Variants in FAM124A observed in about 807,000 individuals in gnomAD.
The protein encoded by FAM124A is protein FAM124A.
In FAM124A, 23 loss-of-function variants were observed where a neutral mutation model predicts 24.5. The observed-to-expected ratio is 0.94, with a 90% CI of 0.68 to 1.33. The LOEUF (loss-of-function observed/expected upper bound fraction) is 1.33. Among genes scored for constraint, FAM124A ranks in the 40% most tolerant of loss-of-function variants. FAM124A has a pLI of 0.00. For missense variants in FAM124A, 623 were observed against 722.8 expected (o/e 0.86, Z 1.58); for synonymous variants, 287 against 314.7 (o/e 0.91, Z 0.93).
rs778171971 is a variant in FAM124A at position 51,251,659 on chromosome 13, C to A, written c.292C>A (p.Gln98Lys). The A allele has an allele frequency of 4.4e-6, 7 of 1,583,732 alleles. 1 individual carries two copies. In the South Asian group the frequency reaches 8.0e-5, roughly 18 times the overall value. Residue 98 changes from glutamine (Q) to lysine (K), a missense_variant, in exon 3 of 4, where the codon CAG becomes AAG. Physicochemically the swap from Gln to Lys is moderately conservative, Grantham distance 53. Coordinates refer to ENST00000322475, the MANE Select transcript of FAM124A (RefSeq NM_001242312.2). The surrounding 1 kb of genome is among the most constrained non-coding windows in gnomAD (Gnocchi z 5.3). Reference protein sequence around the residue: ...RRRRKPPKGAQPALAVVLFLQ... With the variant: ...RRRRKPPKGAKPALAVVLFLQ... ...GCGGCGGAAGCCCCCCAAGGGCGCT[C>A]AGCCAGCGCTGGCTGTGGTGCTGTT...
intron 3 of FAM124A, among the ~76,000 whole-genome samples, chr13:51,254,997 C>G (rs138238734): frequency 4.3e-4 from 66 of 152,144 alleles, no homozygotes; most frequent in African/African-American, 1.5e-3. Flanking sequence ...CTTCCTCCCC[C>G]GCCCTGGGAC....
intron 3 of FAM124A, among the ~76,000 whole-genome samples, chr13:51,274,648 G>C (rs1461746915): frequency 6.6e-6 from 1 of 151,808 alleles, no homozygotes; most frequent in Admixed American, 6.6e-5. Flanking sequence ...ATGATATATA[G>C]GCATATATCA....
At chr13:51,244,007 G>A (rs1954530163) in intron 2 of FAM124A, among the ~76,000 whole-genome samples, 1 of 152,194 alleles carries the variant, frequency 6.6e-6, no homozygotes, top group Non-Finnish European at 1.5e-5. Flanking sequence ...CTTTAGAAAT[G>A]CAAATAAGTG....
In FAM124A at chr13:51,281,371, C is replaced by G; in HGVS notation, c.*115C>G. ...CTTCATGATCCATTTCCCAGGAGCC[C>G]GTAGCACATTTGCCTACCACCCACT... On this transcript the variant is annotated 3_prime_UTR_variant, in exon 4 of 4. Transcript: ENST00000322475. The G allele has an allele frequency of 9.1e-7, 1 of 1,101,520 alleles. No homozygotes were observed. The highest frequency in any genetic ancestry group is 1.9e-5 in the South Asian group (1 of 53,668). 68.2% of individuals were successfully genotyped at this position (1,101,520 alleles called of 1,614,324 possible).
At chr13:51,274,263 C>G (rs1954865352) in intron 3 of FAM124A, among the ~76,000 whole-genome samples, 1 of 152,266 alleles carries the variant, frequency 6.6e-6, no homozygotes, top group Middle Eastern at 3.4e-3. Flanking sequence ...GGTTGACTAT[C>G]CCTTCTCTGA....
intron 2 of FAM124A, among the ~76,000 whole-genome samples, chr13:51,232,548 A>T (rs1954389110): frequency 6.6e-6 from 1 of 152,230 alleles, no homozygotes. Context: ...GTCAAATTAT[A>T]TTTCATTATT....
chr13:51,238,287 C>T (rs1181400249), intron 2 of FAM124A, among the ~76,000 whole-genome samples: 2 of 149,934 alleles, frequency 1.3e-5, no homozygotes, highest in Non-Finnish European at 2.9e-5. Context: ...ATCAGCATCA[C>T]CAGGAGCTTG....
At chr13:51,245,200 G>A (rs1954544016) in intron 2 of FAM124A, 1 of 446,356 alleles carries the variant, frequency 2.2e-6, no homozygotes, top group Non-Finnish European at 4.0e-6. Flanking sequence ...AAGATTGGTC[G>A]GACCAGGTGT....
intron 3 of FAM124A, among the ~76,000 whole-genome samples, chr13:51,263,193 G>A (rs1387029769): frequency 6.6e-6 from 1 of 152,072 alleles, no homozygotes. Flanking sequence ...CAGGGGCTCC[G>A]TCCATCTGCT....
chr13:51,262,485 T>A (rs1954746663), intron 3 of FAM124A, among the ~76,000 whole-genome samples: 1 of 152,198 alleles, frequency 6.6e-6, no homozygotes, highest in Non-Finnish European at 1.5e-5. Flanking sequence ...ACATGTCAGT[T>A]TTTTTTCTTT....
At chr13:51,241,258 G>T (rs890312375) in intron 2 of FAM124A, among the ~76,000 whole-genome samples, 2 of 152,234 alleles carry the variant, frequency 1.3e-5, no homozygotes, top group Non-Finnish European at 2.9e-5. Flanking sequence ...AGAAAACTGT[G>T]GGAAAGGGAA....
At chr13:51,275,477 A>G (rs1954878108) in intron 3 of FAM124A, among the ~76,000 whole-genome samples, 1 of 152,228 alleles carries the variant, frequency 6.6e-6, no homozygotes, top group Non-Finnish European at 1.5e-5. Context: ...AAAAGATACC[A>G]ATAAGAGAAC....
chr13:51,225,996 T>C (rs1210558752), intron 1 of FAM124A, among the ~76,000 whole-genome samples: 24 of 131,282 alleles, frequency 1.8e-4, no homozygotes, highest in Non-Finnish European at 3.0e-4. Context: ...TTTTTTTTTT[T>C]TTTTTTTTTT....
chr13:51,251,860 G>C lies in FAM124A; in HGVS notation c.493G>C (p.Val165Leu). ...GACGCCGCTTTGGGCCATCCGGCCC[G>C]TGCACTACGGCAAGGAAATCGTGCG... Reference protein sequence around the residue: ...PGTPLWAIRPVHYGKEIVRFT... With the variant: ...PGTPLWAIRPLHYGKEIVRFT... Residue 165 changes from valine (V) to leucine (L), a missense_variant, in exon 3 of 4, where the codon GTG becomes CTG. Coordinates refer to ENST00000322475, the MANE Select transcript of FAM124A (RefSeq NM_001242312.2). This position sits in a 1 kb window ranked among gnomAD's most constrained non-coding sequence, Gnocchi z 5.3. The C allele has an allele frequency of 6.2e-7, 1 of 1,613,230 alleles. No individual in the cohort carries two copies. Among genetic ancestry groups the C allele is most frequent in the Non-Finnish European group, 8.5e-7 (1 of 1,179,720 alleles).
intron 1 of FAM124A, among the ~76,000 whole-genome samples, chr13:51,228,326 G>A (rs911387750): frequency 6.6e-6 from 1 of 152,074 alleles, no homozygotes; most frequent in South Asian, 2.1e-4. Context: ...ATGTAATATT[G>A]TAATTAATAT....
intron 2 of FAM124A, among the ~76,000 whole-genome samples, chr13:51,246,249 T>C (rs1431082396): frequency 2.0e-5 from 3 of 152,162 alleles, no homozygotes; most frequent in Non-Finnish European, 4.4e-5. Context: ...GTAATAGATA[T>C]GATAAAGGCA....
chr13:51,275,174 A>T (rs932499138), intron 3 of FAM124A, among the ~76,000 whole-genome samples: 6 of 150,944 alleles, frequency 4.0e-5, no homozygotes, highest in African/African-American at 4.9e-5. Context: ...GGAATTCAAG[A>T]CCAGTCTGGG....
chr13:51,231,421 C>T, intron 2 of FAM124A, 42 bp downstream of exon 2: 5 of 1,608,702 alleles, frequency 3.1e-6, no homozygotes, highest in Middle Eastern at 1.7e-4. Context: ...TCTAACGGTC[C>T]CCGGAGAGGT....
intron 3 of FAM124A, among the ~76,000 whole-genome samples, chr13:51,256,373 A>T (rs1326969007): frequency 6.6e-6 from 1 of 152,222 alleles, no homozygotes; most frequent in Non-Finnish European, 1.5e-5. Flanking sequence ...AGAAGGTAGA[A>T]AGAGAAAAGA....
Sources: allele counts gnomAD v4.1 joint callset (sites outside exome capture counted in the v4.1 genomes callset), GRCh38; gene constraint gnomAD v4.1.1; non-coding constraint Gnocchi (gnomAD v3.1); transcripts MANE v1.5; gene names NCBI Gene and HGNC (gene_info 2026-07-23, HGNC 2026-07-21).